The following FBLN1 variants were observed in gnomAD, a reference collection of about 807,000 sequenced individuals.
FBLN1 encodes fibulin 1.
A neutral mutation model predicts 89.7 loss-of-function variants in FBLN1; 34 were observed. The observed-to-expected ratio is 0.38, with a 90% CI of 0.29 to 0.50. FBLN1 has a LOEUF of 0.50. Among genes scored for constraint, FBLN1 ranks in the 20% least tolerant of loss-of-function variants. The pLI, the probability that FBLN1 is intolerant of heterozygous loss-of-function variation, is 0.92. For synonymous variants in FBLN1, 393 were observed against 391.3 expected (o/e 1.00, Z -0.05); for missense variants, 777 against 988.1 (o/e 0.79, Z 2.86).
intron 2 of FBLN1, among the ~76,000 whole-genome samples, chr22:45,522,584 T>A (rs1347472947): frequency 6.6e-6 from 1 of 152,194 alleles, no homozygotes; most frequent in Non-Finnish European, 1.5e-5. Flanking sequence ...AAGCAGGGGT[T>A]AAGCAGCCTG....
intron 12 of FBLN1, among the ~76,000 whole-genome samples, chr22:45,547,747 G>A (rs2088651187): frequency 6.6e-6 from 1 of 151,932 alleles, no homozygotes; most frequent in Non-Finnish European, 1.5e-5. Context: ...GCGTGAGGGT[G>A]GGAAGGCAGC....
At chr22:45,582,820 C>T (rs1393458170) in intron 16 of FBLN1, among the ~76,000 whole-genome samples, 2 of 152,134 alleles carry the variant, frequency 1.3e-5, no homozygotes, top group Admixed American at 6.5e-5. Flanking sequence ...TGTGTGGGTG[C>T]GTGTGAGTGG....
At chr22:45,542,502 G>C (rs1177250954) in intron 10 of FBLN1, among the ~76,000 whole-genome samples, 3 of 152,220 alleles carry the variant, frequency 2.0e-5, no homozygotes, top group African/African-American at 7.2e-5. Flanking sequence ...CTGTGTGTGA[G>C]CCTGCTCCCC....
At chr22:45,564,830 G>T (rs1410038850) in intron 14 of FBLN1, 9 of 1,608,340 alleles carry the variant, frequency 5.6e-6, no homozygotes, top group Non-Finnish European at 7.6e-6. Context: ...GCCAGCCCTG[G>T]CTTATGTCAC....
intron 14 of FBLN1, among the ~76,000 whole-genome samples, chr22:45,559,947 T>C (rs1245264416): frequency 2.6e-5 from 4 of 152,222 alleles, no homozygotes; most frequent in Non-Finnish European, 5.9e-5. Context: ...AGTCTGGAAA[T>C]TGATTGAGGG....
rs1030298040 is a variant in FBLN1, at chr22:45,597,902, G to A, written c.1973-2405G>A. 3.9e-5 allele frequency among the ~76,000 whole-genome samples: 6 copies of A among 152,134 alleles called. No individual in the cohort carries two copies. The highest frequency in any genetic ancestry group is 8.8e-5 in the Non-Finnish European group (6 of 68,012). ...AGCCCAGAGAGCGAAAGGGGGGAAC[G>A]TTGTGCCCAGATTCTCTTTCTGAGC... is the stretch of plus-strand genomic sequence containing the variant. On this transcript the variant is annotated intron_variant, in intron 16 of 16. Coordinates refer to ENST00000327858, the MANE Select transcript of FBLN1 (RefSeq NM_006486.3). The surrounding 1 kb of genome is among the most constrained non-coding windows in gnomAD (Gnocchi z 4.2).
intron 16 of FBLN1, among the ~76,000 whole-genome samples, chr22:45,586,100 C>A (rs2146657221): frequency 6.6e-6 from 1 of 152,002 alleles, no homozygotes; most frequent in Middle Eastern, 3.4e-3. Context: ...AGGGACCAGT[C>A]CCGGAAACCT....
chr22:45,525,584 T>C lies in FBLN1; in HGVS notation c.227T>C (p.Leu76Pro). 6.5e-7 allele frequency: 1 copy of C among 1,550,184 alleles called. No individual in the cohort carries two copies. Among genetic ancestry groups the C allele is most frequent in the Non-Finnish European group, 8.7e-7 (1 of 1,146,858 alleles). ...EQCCHSQLEE[L>P]HCATGISLAN... is the part of the protein sequence containing the mutation. ...TGCTGCCACAGCCAGCTGGAGGAGC[T>C]GCACTGTGCCACGGGCATCAGCCTG... The change falls in exon 3 of 17, where the codon CTG (leucine) becomes CCG (proline). Residue 76 changes from leucine (L) to proline (P), a missense_variant. By Grantham distance (98) the Leu-to-Pro change is moderately conservative. Coordinates refer to ENST00000327858, the MANE Select transcript of FBLN1 (RefSeq NM_006486.3).
At chr22:45,585,562 G>A (rs1435592706) in intron 16 of FBLN1, among the ~76,000 whole-genome samples, 1 of 152,212 alleles carries the variant, frequency 6.6e-6, no homozygotes, top group Non-Finnish European at 1.5e-5. Context: ...AAATCCCAGG[G>A]ATGACGCGCT....
At chr22:45,594,543 GATGGGTGGGTGGATTC>G (rs1156515770) in intron 16 of FBLN1, among the ~76,000 whole-genome samples, 2 of 151,632 alleles carry the variant, frequency 1.3e-5, no homozygotes, top group African/African-American at 4.8e-5. Context: ...GCCTCTAATG[GATGGGTGGGTGGATTC>G]ATGGGTGGGT....
chr22:45,543,562 G>A, intron 11 of FBLN1, 36 bp downstream of exon 11: 1 of 1,608,216 alleles, frequency 6.2e-7, no homozygotes, highest in Non-Finnish European at 8.5e-7. Context: ...CCTCCCCCAG[G>A]TCACCTTCCT....
intron 14 of FBLN1, among the ~76,000 whole-genome samples, chr22:45,559,972 T>C (rs1251082799): frequency 6.6e-6 from 1 of 152,122 alleles, no homozygotes; most frequent in African/African-American, 2.4e-5. Context: ...TGATTCTCTT[T>C]TTTTGTAATT....
intron 2 of FBLN1, 75 bp from the exon 3 acceptor site, chr22:45,525,468 C>A (rs2088313301): frequency 7.2e-7 from 1 of 1,380,484 alleles, no homozygotes; most frequent in Non-Finnish European, 1.0e-6. Context: ...GGTGAGAGCA[C>A]CCCCACCCCC....
chr22:45,523,056 A>G (rs1044629308), intron 2 of FBLN1: 6 of 705,200 alleles, frequency 8.5e-6, no homozygotes, highest in Non-Finnish European at 1.6e-5. Flanking sequence ...AGGGAGGCAT[A>G]GGGGCTTCTG....
intron 16 of FBLN1, among the ~76,000 whole-genome samples, chr22:45,594,323 G>A (rs894852871): frequency 1.3e-5 from 2 of 152,102 alleles, no homozygotes; most frequent in Non-Finnish European, 2.9e-5. Context: ...TGAGACTGAC[G>A]AAGTGAGGTC....
At chr22:45,513,141 A>G (rs1057497798) in intron 1 of FBLN1, among the ~76,000 whole-genome samples, 3 of 152,216 alleles carry the variant, frequency 2.0e-5, no homozygotes, top group African/African-American at 7.2e-5. Context: ...CATGAAAACA[A>G]CATTGATTGA....
At position 45,549,889 on chromosome 22, in the gene FBLN1, C is replaced by G. The variant is rs964881925; in HGVS notation, c.1574-603C>G. Among the ~76,000 whole-genome samples, 49 of 152,160 alleles carry G rather than the reference C, an allele frequency of 3.2e-4. No individual in the cohort carries two copies. The highest frequency in any genetic ancestry group is 6.8e-4 in the Non-Finnish European group (46 of 68,026). On this transcript the variant is annotated intron_variant, in intron 13 of 16. Coordinates refer to ENST00000327858, the MANE Select transcript of FBLN1 (RefSeq NM_006486.3). This position sits in a 1 kb window ranked among gnomAD's most constrained non-coding sequence, Gnocchi z 5.7. Reference sequence around the variant, plus strand: ...AGTCCACCCTGAACAGCCACCAACCCCAACACACAGGCAAGACGTATGATC... The same window carrying G: ...AGTCCACCCTGAACAGCCACCAACCGCAACACACAGGCAAGACGTATGATC...
At chr22:45,518,514 G>C in intron 1 of FBLN1, 168 bp from the exon 2 acceptor site, 1 of 667,188 alleles carries the variant, frequency 1.5e-6, no homozygotes, top group South Asian at 1.6e-5. Context: ...CGCAGCTGGG[G>C]TCTGGTGGGG....
Position 45,531,247 on chromosome 22 carries a change from G to C in FBLN1, c.485-18G>C. On this transcript the variant is annotated intron_variant, in intron 4 of 16. Transcript: ENST00000327858. This position sits in a 1 kb window ranked among gnomAD's most constrained non-coding sequence, Gnocchi z 4.9. The stretch of plus-strand genomic sequence containing the variant: ...GGGTGTTTGGATAAATGTCTGACTT[G>C]GTCTTTTTCCCCCTTAGATAAGATC... 6.2e-7 allele frequency: 1 copy of C among 1,611,288 alleles called. No individual in the cohort carries two copies. Among genetic ancestry groups the C allele is most frequent in the South Asian group, 1.1e-5 (1 of 91,014 alleles).
Sources: gnomAD v4.1 joint callset for allele counts (sites outside exome capture counted in the v4.1 genomes callset) on GRCh38, gnomAD v4.1.1 for gene constraint, Gnocchi (gnomAD v3.1) non-coding constraint, MANE v1.5 for transcripts, NCBI Gene and HGNC (gene_info 2026-07-23, HGNC 2026-07-21) for gene names.